Variants in AHI1 observed in about 807,000 individuals in gnomAD.
AHI1 encodes jouberin.
A neutral mutation model predicts 149.3 loss-of-function variants in AHI1; 123 were observed. That is an observed-to-expected ratio of 0.82 (90% CI 0.71 to 0.96). The LOEUF (loss-of-function observed/expected upper bound fraction) is 0.96. AHI1 is among the 40% of genes least tolerant of loss of function. AHI1 has a pLI of 0.00. For missense variants in AHI1, 1,439 were observed against 1,422.7 expected (o/e 1.01, Z -0.18); for synonymous variants, 475 against 459.8 (o/e 1.03, Z -0.42).
intron 24 of AHI1, among the ~76,000 whole-genome samples, chr6:135,349,813 A>T (rs1791798426): frequency 6.6e-6 from 1 of 152,164 alleles, no homozygotes. Context: ...TTTAAGATCA[A>T]TTTTTTCAAC....
Position 135,490,205 on chromosome 6 carries a change from G to A in AHI1, c.135+418C>T, listed in dbSNP as rs760254904. 1.7e-5 allele frequency: 12 copies of A among 725,308 alleles called. No individual in the cohort carries two copies. The highest frequency in any genetic ancestry group is 2.3e-5 in the Non-Finnish European group (9 of 388,436). 44.9% of individuals were successfully genotyped at this position (725,308 alleles called of 1,614,324 possible). On this transcript the variant is annotated intron_variant, in intron 5 of 28. Coordinates refer to ENST00000265602, the MANE Select transcript of AHI1 (RefSeq NM_001134831.2). ...CATAAAAGGATAATTATTACCATACGGCCATTGATTTCTCCTGGTTCTGTT... is the reference window on the plus strand; with the variant it reads ...CATAAAAGGATAATTATTACCATACAGCCATTGATTTCTCCTGGTTCTGTT...
At chr6:135,355,877 CAACAGAG>C (rs1264391854) in intron 24 of AHI1, among the ~76,000 whole-genome samples, 2 of 152,034 alleles carry the variant, frequency 1.3e-5, no homozygotes, top group African/African-American at 4.8e-5. Context: ...CCAGCCTGGG[CAACAGAG>C]CGAGACTCTG....
At chr6:135,375,130 C>G (rs1775714360) in intron 23 of AHI1, among the ~76,000 whole-genome samples, 1 of 152,070 alleles carries the variant, frequency 6.6e-6, no homozygotes, top group South Asian at 2.1e-4. Flanking sequence ...GTTGGAACAT[C>G]CCATGTTGTG....
At chr6:135,483,451 A>T (rs555171569) in intron 5 of AHI1, among the ~76,000 whole-genome samples, 42 of 152,228 alleles carry the variant, frequency 2.8e-4, no homozygotes, top group Non-Finnish European at 5.4e-4. Flanking sequence ...TATCACTTCT[A>T]CAAAAGAACT....
chr6:135,419,292 A>G (rs1180671994), intron 20 of AHI1, among the ~76,000 whole-genome samples: 5 of 152,114 alleles, frequency 3.3e-5, no homozygotes, highest in Non-Finnish European at 5.9e-5. Context: ...AGTACATGCT[A>G]TTCTGCTCTT....
At chr6:135,301,626 G>A (rs1348056232) in intron 26 of AHI1, 2 of 985,294 alleles carry the variant, frequency 2.0e-6, no homozygotes, top group Non-Finnish European at 2.4e-6. Context: ...ACTGCTAGCT[G>A]TAGAGCTTTA....
intron 15 of AHI1, among the ~76,000 whole-genome samples, chr6:135,436,772 T>C (rs1437649396): frequency 6.6e-6 from 1 of 152,112 alleles, no homozygotes; most frequent in Non-Finnish European, 1.5e-5. Flanking sequence ...CGGCTTATTT[T>C]TGTATTTTTA....
intron 23 of AHI1, among the ~76,000 whole-genome samples, chr6:135,393,084 T>C (rs946791915): frequency 3.9e-5 from 6 of 152,112 alleles, no homozygotes; most frequent in African/African-American, 1.4e-4. Flanking sequence ...GGGATATAAA[T>C]ATCCCTCTTA....
intron 5 of AHI1, among the ~76,000 whole-genome samples, chr6:135,474,864 T>C (rs554400254): frequency 6.6e-6 from 1 of 152,330 alleles, no homozygotes; most frequent in South Asian, 2.1e-4. Flanking sequence ...AGGATTTTGG[T>C]ATGTATTTTT....
intron 26 of AHI1, among the ~76,000 whole-genome samples, chr6:135,304,609 A>T (rs1299996004): frequency 6.6e-6 from 1 of 152,126 alleles, no homozygotes; most frequent in Non-Finnish European, 1.5e-5. Context: ...GGTCTCTACT[A>T]AAAATGCAAA....
intron 26 of AHI1, 197 bp from the exon 27 acceptor site, chr6:135,300,755 G>T: frequency 1.8e-6 from 2 of 1,136,450 alleles, no homozygotes; most frequent in Non-Finnish European, 2.2e-6. Context: ...AACCAAGGAA[G>T]TAGTTCTCCA....
chr6:135,429,830 T>C, intron 18 of AHI1, 52 bp downstream of exon 18: 1 of 1,069,828 alleles, frequency 9.3e-7, no homozygotes, highest in South Asian at 1.6e-5. Flanking sequence ...TATAATTTAA[T>C]TCATTACTTA....
intron 5 of AHI1, chr6:135,489,906 A>C (rs1562292163): frequency 6.7e-6 from 2 of 300,594 alleles, no homozygotes; most frequent in East Asian, 5.5e-5. Context: ...AAAAAAAAAA[A>C]AAAAACTATG....
At chr6:135,377,408 AAC>A (rs1776105716) in intron 23 of AHI1, among the ~76,000 whole-genome samples, 1 of 152,190 alleles carries the variant, frequency 6.6e-6, no homozygotes, top group Non-Finnish European at 1.5e-5. Context: ...CCGAATCTTT[AAC>A]AGTTTTGAAC....
At chr6:135,422,048 T>C (rs892642664) in intron 20 of AHI1, among the ~76,000 whole-genome samples, 4 of 152,194 alleles carry the variant, frequency 2.6e-5, no homozygotes, top group Non-Finnish European at 5.9e-5. Flanking sequence ...AATGTATTTC[T>C]ACATTTGTAG....
rs61144134 is a variant in AHI1 at position 135,292,133 on chromosome 6, CAT to C, written c.3486-1610_3486-1609del. 4.6e-5 allele frequency among the ~76,000 whole-genome samples: 7 copies of C among 151,216 alleles called. No individual in the cohort carries two copies. In the East Asian group the frequency reaches 9.7e-4, roughly 21 times the overall value. ...TTACACACACACACACACACACACA[CAT>C]ACACAAACACACACACACAAAGACC... is the stretch of plus-strand genomic sequence containing the variant. On this transcript the variant is annotated intron_variant, in intron 27 of 28. Transcript: ENST00000265602.
intron 25 of AHI1, among the ~76,000 whole-genome samples, chr6:135,320,905 A>C (rs543096366): frequency 1.7e-4 from 26 of 152,340 alleles, no homozygotes; most frequent in Non-Finnish European, 3.4e-4. Flanking sequence ...GGGAGACCCA[A>C]CAATGAGAAG....
rs555353837 is a variant in AHI1, at chr6:135,362,232, T to C, written c.3110-4045A>G. On this transcript the variant is annotated intron_variant, in intron 23 of 28. Coordinates refer to ENST00000265602, the MANE Select transcript of AHI1 (RefSeq NM_001134831.2). Reference sequence around the variant, plus strand: ...GGTTCCGTATTTTTGCAATTGCAAATTGTGCTGCTATATATAAACATGTGT... The same window carrying C: ...GGTTCCGTATTTTTGCAATTGCAAACTGTGCTGCTATATATAAACATGTGT... Among the ~76,000 whole-genome samples, 16 of 152,316 alleles carry C rather than the reference T, an allele frequency of 1.1e-4. No individual in the cohort carries two copies. The South Asian group carries it at 1.9e-3, about 18-fold the overall frequency.
intron 23 of AHI1, among the ~76,000 whole-genome samples, chr6:135,382,231 C>T (rs1049358283): frequency 3.9e-4 from 59 of 152,164 alleles, no homozygotes; most frequent in South Asian, 4.2e-4. Flanking sequence ...TGTCACTTTC[C>T]GTATTTCTCA....
Sources: allele counts gnomAD v4.1 joint callset (sites outside exome capture counted in the v4.1 genomes callset), GRCh38; gene constraint gnomAD v4.1.1; transcripts MANE v1.5; gene names NCBI Gene and HGNC (gene_info 2026-07-23, HGNC 2026-07-21).